Variants in SERPINB7 observed in about 807,000 individuals in gnomAD.
SERPINB7 encodes the protein serpin family B member 7.
SERPINB7 carries 31 observed loss-of-function variants against 37.4 expected under a neutral mutation model. The ratio of observed to expected loss-of-function variants is 0.83; its 90% CI spans 0.62 to 1.12. The LOEUF (loss-of-function observed/expected upper bound fraction) is 1.12, where lower values mean the gene tolerates loss of function less well. SERPINB7 is among the 50% of genes most tolerant of loss of function. The pLI is 0.00. For missense variants in SERPINB7, 521 were observed against 455.3 expected (o/e 1.14, Z -1.31); for synonymous variants, 163 against 166.1 (o/e 0.98, Z 0.14).
chr18:63,786,196 C>T (rs1293235805), intron 2 of SERPINB7, among the ~76,000 whole-genome samples: 1 of 73,192 alleles, frequency 1.4e-5, no homozygotes, highest in African/African-American at 4.2e-5. Context: ...CACACACCAG[C>T]ATGGCACATA....
At chr18:63,787,191 C>G (rs1212365442) in intron 2 of SERPINB7, among the ~76,000 whole-genome samples, 1 of 152,100 alleles carries the variant, frequency 6.6e-6, no homozygotes, top group Non-Finnish European at 1.5e-5. Flanking sequence ...TGTTGATGCT[C>G]AAAAATTTCA....
intron 1 of SERPINB7, among the ~76,000 whole-genome samples, chr18:63,777,305 C>T (rs1387858720): frequency 1.3e-5 from 2 of 152,000 alleles, no homozygotes; most frequent in African/African-American, 4.8e-5. Context: ...TTGCTTTCTT[C>T]ACCTCTCTGG....
chr18:63,761,786 C>T (rs560496466), intron 1 of SERPINB7, among the ~76,000 whole-genome samples: 2 of 152,280 alleles, frequency 1.3e-5, no homozygotes, highest in South Asian at 4.2e-4. Context: ...CACCTCCTGC[C>T]ATGATTATGA....
chr18:63,783,234 GAAAGAAAGAAAGAA>G (rs1404790413), intron 2 of SERPINB7, among the ~76,000 whole-genome samples: 9 of 62,578 alleles, frequency 1.4e-4, no homozygotes, highest in East Asian at 1.0e-3. Context: ...GAGAGAGAGA[GAAAGAAAGAAAGAA>G]AGAAAGAAAG....
chr18:63,773,883 A>G (rs1224198896), upstream of SERPINB7, among the ~76,000 whole-genome samples: 1 of 152,164 alleles, frequency 6.6e-6, no homozygotes, highest in South Asian at 2.1e-4. Context: ...AGCCTTAATT[A>G]TGGATGACTC....
intron 4 of SERPINB7, among the ~76,000 whole-genome samples, chr18:63,794,722 A>C (rs572762378): frequency 1.3e-5 from 2 of 152,168 alleles, no homozygotes; most frequent in African/African-American, 2.4e-5. Flanking sequence ...AAAAAAACAA[A>C]AAAAAAATAC....
At chr18:63,785,255 A>G (rs957586726) in intron 2 of SERPINB7, among the ~76,000 whole-genome samples, 3 of 152,224 alleles carry the variant, frequency 2.0e-5, no homozygotes, top group Non-Finnish European at 1.5e-5. Flanking sequence ...CCTTGTCACC[A>G]TAAATCACAC....
chr18:63,801,533 A>G (rs768906514), intron 7 of SERPINB7, among the ~76,000 whole-genome samples: 1 of 152,228 alleles, frequency 6.6e-6, no homozygotes, highest in African/African-American at 2.4e-5. Flanking sequence ...CGACCATGCC[A>G]CATGGGAGAT....
At chr18:63,767,175 A>G (rs957024339) in intron 1 of SERPINB7, among the ~76,000 whole-genome samples, 2 of 152,084 alleles carry the variant, frequency 1.3e-5, no homozygotes, top group Non-Finnish European at 2.9e-5. Flanking sequence ...GAGAAAAAAA[A>G]ATATGCAGAG....
chr18:63,789,467 A>G (rs2144625911), intron 2 of SERPINB7, among the ~76,000 whole-genome samples: 1 of 152,348 alleles, frequency 6.6e-6, no homozygotes, highest in South Asian at 2.1e-4. Context: ...GTCCAAATAA[A>G]TAATTCCATG....
At chr18:63,788,854 G>A (rs2049398509) in intron 2 of SERPINB7, among the ~76,000 whole-genome samples, 1 of 152,096 alleles carries the variant, frequency 6.6e-6, no homozygotes, top group African/African-American at 2.4e-5. Flanking sequence ...TTTGTATTTG[G>A]GAGCAATAGG....
chr18:63,760,747 T>C (rs1598988345), intron 1 of SERPINB7, among the ~76,000 whole-genome samples: 1 of 152,092 alleles, frequency 6.6e-6, no homozygotes, highest in African/African-American at 2.4e-5. Context: ...CTTCAGAGGG[T>C]GGAAGACCCA....
upstream of SERPINB7, among the ~76,000 whole-genome samples, chr18:63,771,302 A>G (rs2049209793): frequency 6.6e-6 from 1 of 152,062 alleles, no homozygotes; most frequent in Admixed American, 6.6e-5. Context: ...TCTTCAAGGA[A>G]GCCTAAGTGA....
chr18:63,790,578 A>G (rs1192645686), intron 2 of SERPINB7, among the ~76,000 whole-genome samples: 1 of 152,224 alleles, frequency 6.6e-6, no homozygotes, highest in African/African-American at 2.4e-5. Context: ...GACAATGTGT[A>G]GTTATAAACA....
upstream of SERPINB7, among the ~76,000 whole-genome samples, chr18:63,771,419 T>A (rs992660170): frequency 6.6e-6 from 1 of 152,096 alleles, no homozygotes. Context: ...ATATCTTATT[T>A]ATAATGATTG....
upstream of SERPINB7, among the ~76,000 whole-genome samples, chr18:63,773,000 G>T (rs971657966): frequency 1.3e-5 from 2 of 152,006 alleles, no homozygotes; most frequent in African/African-American, 4.8e-5. Context: ...GAAGGAGGAG[G>T]AATTATAGCA....
intron 1 of SERPINB7, among the ~76,000 whole-genome samples, chr18:63,758,695 A>G (rs909827148): frequency 2.6e-5 from 4 of 152,200 alleles, no homozygotes; most frequent in African/African-American, 9.7e-5. Context: ...ATAAAGCTTA[A>G]AAAGGAAATC....
intron 4 of SERPINB7, among the ~76,000 whole-genome samples, chr18:63,794,552 CG>C (rs962720784): frequency 2.0e-5 from 3 of 151,782 alleles, no homozygotes; most frequent in African/African-American, 7.3e-5. Flanking sequence ...TAGCCGGGCG[CG>C]GTGGCAGGCG....
chr18:63,800,836 A>T, intron 6 of SERPINB7, 30 bp from the exon 7 acceptor site: 1 of 1,609,916 alleles, frequency 6.2e-7, no homozygotes, highest in South Asian at 1.1e-5. Flanking sequence ...AGGTGGGATC[A>T]TAAATAATTT....
Sources: allele counts gnomAD v4.1 joint callset (sites outside exome capture counted in the v4.1 genomes callset), GRCh38; gene constraint gnomAD v4.1.1; transcripts MANE v1.5; gene names NCBI Gene and HGNC (gene_info 2026-07-23, HGNC 2026-07-21).